The following HERC4 variants were observed in gnomAD, a reference collection of about 807,000 sequenced individuals.
HERC4 encodes HECT and RLD domain containing E3 ubiquitin protein ligase 4.
In HERC4, 28 loss-of-function variants were observed where a neutral mutation model predicts 124.3. That is an observed-to-expected ratio of 0.23 (90% CI 0.17 to 0.31). The LOEUF (loss-of-function observed/expected upper bound fraction) is 0.31, where lower values mean the gene tolerates loss of function less well. Among genes scored for constraint, HERC4 ranks in the 10% least tolerant of loss-of-function variants. The pLI is 1.00. For missense variants in HERC4, 713 were observed against 1,229.3 expected (o/e 0.58, Z 6.28); for synonymous variants, 407 against 421.5 (o/e 0.97, Z 0.42).
At chr10:67,933,519 A>G (rs953121549) in intron 22 of HERC4, among the ~76,000 whole-genome samples, 1 of 152,196 alleles carries the variant, frequency 6.6e-6, no homozygotes, top group Non-Finnish European at 1.5e-5. Flanking sequence ...AATGGATACT[A>G]GAAGATTTCA....
At chr10:68,002,599 C>CTT (rs375700847) in intron 9 of HERC4, among the ~76,000 whole-genome samples, 1,665 of 132,546 alleles carry the variant, frequency 0.013, 39 homozygotes, top group Admixed American at 0.052. Context: ...TAAATTTTTA[C>CTT]TTTTTTTTTT....
At chr10:68,026,528 G>A (rs1221090806) in intron 7 of HERC4, among the ~76,000 whole-genome samples, 2 of 151,816 alleles carry the variant, frequency 1.3e-5, no homozygotes, top group Non-Finnish European at 2.9e-5. Context: ...CCAACATGGT[G>A]AAACTCTGTC....
chr10:68,016,733 T>G (rs764504651), intron 8 of HERC4, among the ~76,000 whole-genome samples: 3 of 152,288 alleles, frequency 2.0e-5, no homozygotes, highest in African/African-American at 7.2e-5. Flanking sequence ...CCTGTTTAGG[T>G]TAAGTCCTTA....
At chr10:67,995,563 C>T (rs1589273712) in intron 9 of HERC4, among the ~76,000 whole-genome samples, 1 of 145,730 alleles carries the variant, frequency 6.9e-6, no homozygotes. Context: ...TATCTATTAG[C>T]TGTCTTTTTT....
At chr10:68,069,773 T>G (rs1183989364) in intron 3 of HERC4, 1 of 985,092 alleles carries the variant, frequency 1.0e-6, no homozygotes, top group African/African-American at 1.7e-5. Flanking sequence ...CTGGGCACGG[T>G]GGCTCACGCC....
At chr10:68,018,602 A>G (rs1440091285) in intron 8 of HERC4, among the ~76,000 whole-genome samples, 2 of 152,214 alleles carry the variant, frequency 1.3e-5, no homozygotes, top group Admixed American at 6.5e-5. Flanking sequence ...TAAGTTATTA[A>G]TAAGAGTTTA....
intron 3 of HERC4, among the ~76,000 whole-genome samples, chr10:68,059,874 ATAATAT>A (rs1466816998): frequency 2.8e-5 from 2 of 71,714 alleles, no homozygotes; most frequent in Non-Finnish European, 4.0e-5. Flanking sequence ...ATATATTATA[ATAATAT>A]TATATATCAT....
intron 4 of HERC4, among the ~76,000 whole-genome samples, chr10:68,041,379 C>G (rs902653839): frequency 4.6e-5 from 7 of 152,084 alleles, no homozygotes; most frequent in African/African-American, 1.7e-4. Context: ...CTGACCTACT[C>G]TATACCATTA....
rs769217841 is a variant in HERC4, at chr10:67,990,919, C to T, written c.1428G>A (p.Pro476=). 7 of 1,593,918 alleles carry T rather than the reference C, an allele frequency of 4.4e-6. No individual in the cohort carries two copies. Among genetic ancestry groups the T allele is most frequent in the Middle Eastern group, 1.7e-4 (1 of 5,994 alleles). The change falls in exon 13 of 25, where the codon CCG becomes CCA. Residue 476 remains proline (P), a synonymous_variant. Coordinates refer to ENST00000373700, the MANE Select transcript of HERC4 (RefSeq NM_015601.4). The part of the protein sequence containing the change: ...LFHKLIQPDH[P]QISQQVAASL... ...AAAAACAGACCTGCTGAGATATCTG[C>T]GGATGATCAGGTTGTATAAGTTTGT...
chr10:68,043,183 T>G (rs1443188685), intron 4 of HERC4, among the ~76,000 whole-genome samples: 1 of 152,130 alleles, frequency 6.6e-6, no homozygotes, highest in Non-Finnish European at 1.5e-5. Context: ...GCAACAAAAG[T>G]TTAAGTATGA....
intron 7 of HERC4, among the ~76,000 whole-genome samples, chr10:68,027,288 C>T (rs981264386): frequency 2.0e-5 from 3 of 152,054 alleles, no homozygotes; most frequent in Non-Finnish European, 4.4e-5. Context: ...AGTAAATCAC[C>T]ATATAACCAT....
chr10:68,011,311 T>C (rs1383715621), intron 9 of HERC4, among the ~76,000 whole-genome samples: 1 of 152,214 alleles, frequency 6.6e-6, no homozygotes, highest in Non-Finnish European at 1.5e-5. Context: ...TTCACAAATG[T>C]TCTTAACAGT....
At chr10:68,046,438 T>C (rs774330294) in intron 3 of HERC4, among the ~76,000 whole-genome samples, 5 of 152,116 alleles carry the variant, frequency 3.3e-5, no homozygotes, top group African/African-American at 1.2e-4. Context: ...AAGATAGCAA[T>C]GTAAAGTCAA....
At chr10:67,947,012 A>G (rs2033418406) in intron 19 of HERC4, among the ~76,000 whole-genome samples, 1 of 152,330 alleles carries the variant, frequency 6.6e-6, no homozygotes, top group African/African-American at 2.4e-5. Flanking sequence ...GAGAGACCCC[A>G]ATACAATAAT....
At chr10:68,034,528 G>C (rs1264814944) in intron 5 of HERC4, among the ~76,000 whole-genome samples, 1 of 152,028 alleles carries the variant, frequency 6.6e-6, no homozygotes, top group South Asian at 2.1e-4. Context: ...TTTCTCCCAA[G>C]AGGCACTCAT....
chr10:67,948,987 C>T (rs1589157069), intron 19 of HERC4, among the ~76,000 whole-genome samples: 1 of 151,936 alleles, frequency 6.6e-6, no homozygotes, highest in East Asian at 1.9e-4. Context: ...GGCGCGGTGG[C>T]TCACGCCTGT....
At chr10:67,977,103 C>T (rs2035638437) in intron 15 of HERC4, among the ~76,000 whole-genome samples, 1 of 152,228 alleles carries the variant, frequency 6.6e-6, no homozygotes, top group Non-Finnish European at 1.5e-5. Flanking sequence ...ACTACCCCTC[C>T]TTTAACCCAA....
chr10:68,070,982 C>T (rs1471057724), intron 3 of HERC4, among the ~76,000 whole-genome samples: 1 of 152,308 alleles, frequency 6.6e-6, no homozygotes, highest in East Asian at 1.9e-4. Flanking sequence ...TGTCTAATTT[C>T]CAGTTCTCTC....
At chr10:68,036,071 T>C (rs751497343) in intron 5 of HERC4, among the ~76,000 whole-genome samples, 6 of 151,950 alleles carry the variant, frequency 3.9e-5, no homozygotes, top group Admixed American at 1.3e-4. Context: ...TCCCAGCACT[T>C]TGGGAGGCTG....
Sources: allele counts gnomAD v4.1 joint callset (sites outside exome capture counted in the v4.1 genomes callset), GRCh38; gene constraint gnomAD v4.1.1; transcripts MANE v1.5; gene names NCBI Gene and HGNC (gene_info 2026-07-23, HGNC 2026-07-21).